RGR: variants seen among roughly 807,000 people sequenced by gnomAD.
RGR encodes the protein retinal G protein coupled receptor.
Under a neutral mutation model 28.6 loss-of-function variants are expected in RGR, and 30 were observed. The observed-to-expected ratio is 1.05, with a 90% CI of 0.78 to 1.42. RGR has a LOEUF of 1.42. Among genes scored for constraint, RGR ranks in the 40% most tolerant of loss-of-function variants. The pLI is 0.00. For synonymous variants in RGR, 180 were observed against 156.4 expected, an observed-to-expected ratio of 1.15 and a Z score of -1.13; for missense variants, 404 against 375.6, an observed-to-expected ratio of 1.08 and a Z score of -0.62.
At position 84,245,140 on chromosome 10, in the gene RGR, T is replaced by C; in HGVS notation, c.50T>C (p.Leu17Pro). Residue 17 changes from leucine (L) to proline (P), a missense_variant, in exon 1 of 7, where the codon CTG (leucine) becomes CCG (proline). Physicochemically the swap from Leu to Pro is moderately conservative, Grantham distance 98 (BLOSUM62 -3). Coordinates refer to ENST00000652092, the MANE Select transcript of RGR (RefSeq NM_001012720.2). ...LPTGFGELEV[L>P]AVGMVLLVEA... ...ACTGGCTTCGGGGAGCTCGAGGTGC[T>C]GGCTGTGGGGATGGTGCTACTGGTG... The C allele has an allele frequency of 1.2e-6, 2 of 1,613,300 alleles. No homozygotes were observed. Among genetic ancestry groups the C allele is most frequent in the Non-Finnish European group, 1.7e-6 (2 of 1,179,824 alleles).
At chr10:84,257,800 C>G in intron 5 of RGR, 93 bp from the exon 6 acceptor site, 1 of 1,027,382 alleles carries the variant, frequency 9.7e-7, no homozygotes, top group East Asian at 2.5e-5. Flanking sequence ...CATGCTGCCC[C>G]GCCCTGCTGA....
intron 1 of RGR, 79 bp from the exon 2 acceptor site, chr10:84,247,512 T>A: frequency 6.5e-7 from 1 of 1,537,342 alleles, no homozygotes. Context: ...TTGCTGATGT[T>A]CCATCCACCC....
intron 3 of RGR, chr10:84,250,731 G>A (rs1842806219): frequency 2.9e-6 from 1 of 346,446 alleles, no homozygotes; most frequent in Non-Finnish European, 5.3e-6. Context: ...GTGGTTGTAG[G>A]CATGTCACCT....
intron 4 of RGR, among the ~76,000 whole-genome samples, chr10:84,253,862 C>T (rs1842849857): frequency 6.6e-6 from 1 of 152,202 alleles, no homozygotes; most frequent in African/African-American, 2.4e-5. Context: ...GGGACTCCCA[C>T]TATTCCCTTC....
At chr10:84,251,661 A>G (rs569975014) in intron 3 of RGR, among the ~76,000 whole-genome samples, 1 of 152,302 alleles carries the variant, frequency 6.6e-6, no homozygotes, top group East Asian at 1.9e-4. Flanking sequence ...TCTCCACCTC[A>G]GTCTCCTGAC....
In RGR at chr10:84,254,452, C is replaced by A. The variant is rs1328419724; in HGVS notation, c.630+9C>A. On this transcript the variant is annotated intron_variant, in intron 5 of 6. Transcript: ENST00000652092. ...AGAGTGGCCATCTCCAGGTAAGGACCCCCTTCCGGAGTGTTATCTGATGGT... is the reference window on the plus strand; with the variant it reads ...AGAGTGGCCATCTCCAGGTAAGGACACCCTTCCGGAGTGTTATCTGATGGT... 6.2e-7 allele frequency: 1 copy of A among 1,608,268 alleles called. No homozygotes were observed. Among genetic ancestry groups the A allele is most frequent in the Admixed American group, 1.7e-5 (1 of 60,014 alleles).
At chr10:84,245,198 G>A (rs1216005006) in intron 1 of RGR, 29 bp downstream of exon 1, 31 of 1,606,978 alleles carry the variant, frequency 1.9e-5, no homozygotes, top group Non-Finnish European at 2.5e-5. Context: ...GGGGTGCAGC[G>A]GGGGCCCAGT....
chr10:84,254,255 C>A, intron 4 of RGR, 71 bp from the exon 5 acceptor site: 3 of 1,262,254 alleles, frequency 2.4e-6, no homozygotes, highest in Non-Finnish European at 3.5e-6. Context: ...TAGGGCAGAG[C>A]TGGTGGGTCC....
In RGR at chr10:84,254,454, C is replaced by G. The variant is rs758215450; in HGVS notation, c.630+11C>G. ...AGTGGCCATCTCCAGGTAAGGACCC[C>G]CTTCCGGAGTGTTATCTGATGGTGC... is the stretch of plus-strand genomic sequence containing the variant. On this transcript the variant is annotated intron_variant, in intron 5 of 6. Transcript: ENST00000652092. 4 of 1,606,000 alleles carry G rather than the reference C, an allele frequency of 2.5e-6. No individual in the cohort carries two copies. In the African/African-American group the frequency reaches 4.0e-5, roughly 16 times the overall value.
chr10:84,248,969 G>C lies in RGR; in HGVS notation c.284G>C (p.Gly95Ala). Residue 95 changes from glycine to alanine, a missense_variant, in exon 3 of 7, where the codon GGC becomes GCC. Gly to Ala is a moderately conservative substitution (Grantham distance 60, BLOSUM62 0). Coordinates refer to ENST00000652092, the MANE Select transcript of RGR (RefSeq NM_001012720.2). ...SDGCQAHGFQ[G>A]FVTALASICS... ...GGCTGCCAGGCTCACGGCTTCCAGG[G>C]CTTTGTGACAGCGTTGGCCAGCATC... is the stretch of plus-strand genomic sequence containing the variant. 1 of 1,614,168 alleles carries C rather than the reference G, an allele frequency of 6.2e-7. No individual in the cohort carries two copies. The highest frequency in any genetic ancestry group is 8.5e-7 in the Non-Finnish European group (1 of 1,180,018).
chr10:84,248,997 C>T lies in RGR; in HGVS notation c.312C>T (p.Cys104=), dbSNP rs1328274299. 5 of 1,614,104 alleles carry T rather than the reference C, an allele frequency of 3.1e-6. No homozygotes were observed. In the Admixed American group the frequency reaches 6.7e-5, roughly 22 times the overall value. Residue 104 remains cysteine (C), a synonymous_variant, in exon 3 of 7, where the codon TGC becomes TGT. Coordinates refer to ENST00000652092, the MANE Select transcript of RGR (RefSeq NM_001012720.2). ...QGFVTALASI[C]SSAAIAWGRY... is the part of the protein sequence containing the mutation. Reference sequence around the variant, plus strand: ...TTGTGACAGCGTTGGCCAGCATCTGCAGCAGTGCAGCCATCGCATGGGGGC... The same window carrying T: ...TTGTGACAGCGTTGGCCAGCATCTGTAGCAGTGCAGCCATCGCATGGGGGC...
intron 6 of RGR, 145 bp downstream of exon 6, chr10:84,258,151 C>T: frequency 2.4e-6 from 2 of 830,200 alleles, no homozygotes; most frequent in Non-Finnish European, 3.9e-6. Context: ...AGGCATAGAG[C>T]ATTAGTTTGC....
chr10:84,247,481 CTTCCTTG>C (rs1842760642), intron 1 of RGR, 103 bp from the exon 2 acceptor site: 1 of 1,285,788 alleles, frequency 7.8e-7, no homozygotes, highest in Admixed American at 1.7e-5. Context: ...TATTGATTGT[CTTCCTTG>C]TCTGTCCAGG....
intron 2 of RGR, 98 bp from the exon 3 acceptor site, chr10:84,248,822 AGG>A: frequency 1.2e-6 from 2 of 1,607,546 alleles, no homozygotes; most frequent in Non-Finnish European, 1.7e-6. Flanking sequence ...TCAGAGAAGA[AGG>A]GCAGCATTCA....
Position 84,258,491 on chromosome 10 carries a change from C to T in RGR, c.745-17C>T. The T allele has an allele frequency of 6.2e-7, 1 of 1,614,182 alleles. No individual in the cohort carries two copies. The highest frequency in any genetic ancestry group is 1.6e-4 in the Middle Eastern group (1 of 6,062). On this transcript the variant is annotated splice_polypyrimidine_tract_variant and intron_variant, in intron 6 of 6. Coordinates refer to ENST00000652092, the MANE Select transcript of RGR (RefSeq NM_001012720.2). ...GTGGCTTTGAAGCTTCTTTTCTGGA[C>T]TTTTCTGCCACAACAGGTGCCCGCC...
At chr10:84,256,395 G>C (rs904922445) in intron 5 of RGR, among the ~76,000 whole-genome samples, 3 of 152,064 alleles carry the variant, frequency 2.0e-5, no homozygotes, top group African/African-American at 7.2e-5. Flanking sequence ...CTAAAAAATT[G>C]AGGCTGAGAT....
intron 4 of RGR, among the ~76,000 whole-genome samples, chr10:84,253,323 CAT>C (rs1842842965): frequency 6.6e-6 from 1 of 152,180 alleles, no homozygotes; most frequent in Non-Finnish European, 1.5e-5. Flanking sequence ...ACCTCTTAGC[CAT>C]CTTCAGCACA....
intron 1 of RGR, among the ~76,000 whole-genome samples, chr10:84,246,664 T>C (rs145053187): frequency 1.1e-4 from 17 of 152,372 alleles, no homozygotes; most frequent in African/African-American, 3.8e-4. Flanking sequence ...ATCTTTGCAA[T>C]TGTGAATTGT....
At chr10:84,248,784 A>G in intron 2 of RGR, 138 bp from the exon 3 acceptor site, 3 of 1,517,532 alleles carry the variant, frequency 2.0e-6, no homozygotes, top group South Asian at 1.1e-5. Flanking sequence ...AACGCCTCAT[A>G]GGAAAGACAC....
Sources: gnomAD v4.1 joint callset for allele counts (sites outside exome capture counted in the v4.1 genomes callset) on GRCh38, gnomAD v4.1.1 for gene constraint, MANE v1.5 for transcripts, NCBI Gene and HGNC (gene_info 2026-07-23, HGNC 2026-07-21) for gene names.